The following GINM1 variants were observed in gnomAD, a reference collection of about 807,000 sequenced individuals.
The protein encoded by GINM1 is glycosylated integral membrane protein 1.
GINM1 carries 29 observed loss-of-function variants against 37.8 expected under a neutral mutation model. The observed-to-expected ratio is 0.77, with a 90% confidence interval of 0.57 to 1.05. The LOEUF is 1.05. Among genes scored for constraint, GINM1 ranks in the 50% least tolerant of loss-of-function variants. The pLI is 0.00. For synonymous variants in GINM1, 143 were observed against 146.2 expected (o/e 0.98, Z 0.16); for missense variants, 377 against 397.9 (o/e 0.95, Z 0.45).
chr6:149,582,072 G>A (rs1237531808), intron 6 of GINM1: 2 of 474,566 alleles, frequency 4.2e-6, no homozygotes, highest in East Asian at 1.4e-4. Flanking sequence ...ACTGGAAACA[G>A]TTGACTCTGC....
At position 149,580,613 on chromosome 6, in the gene GINM1, A is replaced by T; in HGVS notation, c.607A>T (p.Thr203Ser). The T allele has an allele frequency of 6.2e-7, 1 of 1,611,940 alleles. No individual in the cohort carries two copies. The highest frequency in any genetic ancestry group is 8.5e-7 in the Non-Finnish European group (1 of 1,179,330). Residue 203 changes from threonine (T) to serine (S), a missense_variant, in exon 6 of 8, where the codon ACC (threonine) becomes TCC (serine). Transcript: ENST00000367419. ...GGTAGAAAGTGTTAGTTCACTGCAAACCACTAGCCAGTATCTTATCAGGAA... is the reference window on the plus strand; with the variant it reads ...GGTAGAAAGTGTTAGTTCACTGCAATCCACTAGCCAGTATCTTATCAGGAA... ...SKKESVSSLQTTSQYLIRNVE... is the reference protein window; with the variant it reads ...SKKESVSSLQSTSQYLIRNVE...
rs1404936272 is a variant in GINM1 at position 149,590,915 on chromosome 6, T to A, written c.*77T>A. On this transcript the variant is annotated 3_prime_UTR_variant, in exon 8 of 8. Coordinates refer to ENST00000367419, the MANE Select transcript of GINM1 (RefSeq NM_138785.5). The stretch of plus-strand genomic sequence containing the variant: ...CCACTTGAATATAATTTTCTTTAAA[T>A]CGTTAAGAATCAGTTTATACACTAG... The A allele has an allele frequency of 2.9e-6, 2 of 684,584 alleles. No individual in the cohort carries two copies. The highest frequency in any genetic ancestry group is 3.6e-5 in the African/African-American group (2 of 55,360). 42.4% of individuals were successfully genotyped at this position (684,584 alleles called of 1,614,324 possible).
At chr6:149,578,694 A>G (rs903683507) in intron 3 of GINM1, 128 bp from the exon 4 acceptor site, 6 of 603,478 alleles carry the variant, frequency 9.9e-6, no homozygotes, top group Non-Finnish European at 1.7e-5. Context: ...GAGGTCAGGG[A>G]TGAAGAAAGC....
At chr6:149,568,884 T>G (rs926269295) in intron 1 of GINM1, among the ~76,000 whole-genome samples, 1 of 152,118 alleles carries the variant, frequency 6.6e-6, no homozygotes, top group Non-Finnish European at 1.5e-5. Flanking sequence ...CAGGCTGGAG[T>G]GCAGTGGCAT....
At chr6:149,580,077 T>TAC (rs1777976780) in intron 5 of GINM1, 87 bp downstream of exon 5, 1 of 848,522 alleles carries the variant, frequency 1.2e-6, no homozygotes, top group Admixed American at 2.8e-5. Flanking sequence ...TGTTATTTTT[T>TAC]ACACTATTTG....
intron 6 of GINM1, among the ~76,000 whole-genome samples, chr6:149,581,361 G>A (rs1341856537): frequency 6.6e-6 from 1 of 152,118 alleles, no homozygotes; most frequent in Non-Finnish European, 1.5e-5. Context: ...GTTTCACCAT[G>A]TTGGCCAGGC....
intron 7 of GINM1, among the ~76,000 whole-genome samples, chr6:149,589,082 G>C (rs1778114703): frequency 6.6e-6 from 1 of 151,742 alleles, no homozygotes; most frequent in Non-Finnish European, 1.5e-5. Context: ...GGGATTGCAG[G>C]CGTGAGCCAC....
chr6:149,584,775 A>G (rs1437278109), intron 7 of GINM1, among the ~76,000 whole-genome samples: 1 of 150,138 alleles, frequency 6.7e-6, no homozygotes, highest in East Asian at 1.9e-4. Context: ...GGAAATATAT[A>G]TATAATACTT....
chr6:149,587,516 C>T (rs1229251620), intron 7 of GINM1, among the ~76,000 whole-genome samples: 2 of 152,140 alleles, frequency 1.3e-5, no homozygotes, highest in African/African-American at 2.4e-5. Flanking sequence ...GGGCGGCTCA[C>T]AGATCTCAGG....
chr6:149,570,749 A>G (rs966155050), intron 1 of GINM1, among the ~76,000 whole-genome samples: 12 of 152,214 alleles, frequency 7.9e-5, no homozygotes, highest in African/African-American at 2.9e-4. Flanking sequence ...TTCTAAGTTA[A>G]TACAACCTCA....
At position 149,579,969 on chromosome 6, in the gene GINM1, C is replaced by T; in HGVS notation, c.565C>T (p.Leu189Phe). Reference protein sequence around the residue: ...ISRDSDILFTLPNLSKKESVS... With the variant: ...ISRDSDILFTFPNLSKKESVS... ...TCGAGACAGTGACATTTTATTTACC[C>T]TTCCTAACCTCTCCAAAAAAGGTAA... The change falls in exon 5 of 8, where the codon CTT (leucine) becomes TTT (phenylalanine). Residue 189 changes from leucine to phenylalanine, a missense_variant. Transcript: ENST00000367419. 1.3e-6 allele frequency: 2 copies of T among 1,589,102 alleles called. No individual in the cohort carries two copies. The highest frequency in any genetic ancestry group is 1.7e-6 in the Non-Finnish European group (2 of 1,170,490).
intron 1 of GINM1, among the ~76,000 whole-genome samples, chr6:149,568,944 ATC>A (rs1777765420): frequency 6.8e-6 from 1 of 147,574 alleles, no homozygotes; most frequent in East Asian, 2.0e-4. Flanking sequence ...TGATTCTCCT[ATC>A]TCAGCCTCCT....
chr6:149,584,002 A>T (rs1046902058), intron 7 of GINM1, among the ~76,000 whole-genome samples: 1 of 151,960 alleles, frequency 6.6e-6, no homozygotes, highest in Non-Finnish European at 1.5e-5. Flanking sequence ...TTGAGATGGA[A>T]TGTCACTCCA....
Position 149,576,586 on chromosome 6 carries a change from C to G in GINM1, c.278-2236C>G, listed in dbSNP as rs145455381. On this transcript the variant is annotated intron_variant, in intron 3 of 7. Coordinates refer to ENST00000367419, the MANE Select transcript of GINM1 (RefSeq NM_138785.5). ...GGCAAGATAGCAAGGCTGTCTCTTT[C>G]AAAAGAACAAAAAAAGAAAAAAAAA... 3.2e-3 allele frequency among the ~76,000 whole-genome samples: 484 copies of G among 150,930 alleles called. 1 individual carries two copies. The highest frequency in any genetic ancestry group is 0.011 in the African/African-American group (436 of 40,850).
At chr6:149,576,656 A>T (rs1777919189) in intron 3 of GINM1, among the ~76,000 whole-genome samples, 1 of 152,222 alleles carries the variant, frequency 6.6e-6, no homozygotes, top group Non-Finnish European at 1.5e-5. Flanking sequence ...CTGACTAGTC[A>T]CTAGGTCCAG....
intron 7 of GINM1, chr6:149,584,372 G>A (rs1055309889): frequency 4.6e-5 from 7 of 152,168 alleles, no homozygotes; most frequent in Admixed American, 3.9e-4. Context: ...ATACTGTTAT[G>A]TAACAGGATT....
At chr6:149,571,795 A>T (rs1011277866) in intron 1 of GINM1, among the ~76,000 whole-genome samples, 1 of 152,154 alleles carries the variant, frequency 6.6e-6, no homozygotes, top group African/African-American at 2.4e-5. Flanking sequence ...ATATTATAAA[A>T]AATTAGACCG....
At chr6:149,576,841 A>C (rs550269043) in intron 3 of GINM1, among the ~76,000 whole-genome samples, 51 of 152,362 alleles carry the variant, frequency 3.3e-4, no homozygotes, top group South Asian at 2.5e-3. Context: ...TCACATTGCT[A>C]TAAAGAAATA....
At chr6:149,572,412 A>G in intron 2 of GINM1, 68 bp downstream of exon 2, 2 of 1,296,518 alleles carry the variant, frequency 1.5e-6, no homozygotes, top group Non-Finnish European at 2.2e-6. Context: ...TGATTTTTTA[A>G]CTTGCACGTC....
Sources: allele counts gnomAD v4.1 joint callset (sites outside exome capture counted in the v4.1 genomes callset), GRCh38; gene constraint gnomAD v4.1.1; transcripts MANE v1.5; gene names NCBI Gene and HGNC (gene_info 2026-07-23, HGNC 2026-07-21).